LINGO2: variants seen among roughly 807,000 people sequenced by gnomAD.
LINGO2 encodes the protein leucine-rich repeat and immunoglobulin-like domain-containing nogo receptor-interacting protein 2.
A neutral mutation model predicts 30.6 loss-of-function variants in LINGO2; 14 were observed. The observed-to-expected ratio is 0.46, with a 90% confidence interval of 0.30 to 0.72. LINGO2 has a LOEUF of 0.72. Ranked by LOEUF, LINGO2 falls within the 30% of genes least tolerant of loss-of-function variation. LINGO2 has a pLI of 0.07. For synonymous variants in LINGO2, 317 were observed against 288.5 expected (o/e 1.10, Z -1.00); for missense variants, 729 against 751.7 (o/e 0.97, Z 0.35).
the LINGO2 span, among the ~76,000 whole-genome samples, chr9:29,006,478 T>C: frequency 6.6e-6 from 1 of 152,052 alleles, no homozygotes; most frequent in Admixed American, 6.6e-5. Context: ...TTAAGAACTT[T>C]GAGAACTGAT....
intron 4 of LINGO2, among the ~76,000 whole-genome samples, chr9:28,015,778 T>TC (rs59446611): frequency 0.14 from 21,864 of 152,012 alleles, 1,721 homozygotes; most frequent in South Asian, 0.22. Context: ...CAGGTGATAA[T>TC]CCCAGTTTAC....
chr9:29,106,120 A>G, the LINGO2 span, among the ~76,000 whole-genome samples: 78 of 152,276 alleles, frequency 5.1e-4, no homozygotes, highest in African/African-American at 1.8e-3. Flanking sequence ...ATAGAAAACT[A>G]ATACAGGAAG....
At chr9:27,949,108 T>A (rs1389102716) in exon 6 of LINGO2, 4 of 1,614,050 alleles carry the variant, frequency 2.5e-6, no homozygotes, top group Non-Finnish European at 3.4e-6. Context: ...ATGGTGTCAT[T>A]GGAGTCGGTC....
the LINGO2 span, among the ~76,000 whole-genome samples, chr9:28,990,543 G>C: frequency 6.6e-6 from 1 of 152,202 alleles, no homozygotes; most frequent in Admixed American, 6.5e-5. Flanking sequence ...AGAACAGGCA[G>C]ACTGCCTTTT....
intron 4 of LINGO2, among the ~76,000 whole-genome samples, chr9:28,128,895 A>T (rs1270748107): frequency 6.6e-6 from 1 of 152,200 alleles, no homozygotes. Context: ...TGGGAAAGGC[A>T]GACCCACCCT....
At chr9:28,551,729 G>A (rs112672730) in intron 1 of LINGO2, among the ~76,000 whole-genome samples, 58 of 152,076 alleles carry the variant, frequency 3.8e-4, no homozygotes, top group African/African-American at 1.3e-3. Context: ...ATTTGGATGG[G>A]GAAGGGATGA....
At chr9:29,014,952 C>A in the LINGO2 span, among the ~76,000 whole-genome samples, 2 of 152,162 alleles carry the variant, frequency 1.3e-5, no homozygotes, top group African/African-American at 4.8e-5. Flanking sequence ...CTAAGAATAT[C>A]TTCCATTGGC....
chr9:28,286,185 G>A (rs1192422028), intron 4 of LINGO2, among the ~76,000 whole-genome samples: 1 of 152,158 alleles, frequency 6.6e-6, no homozygotes, highest in Admixed American at 6.5e-5. Flanking sequence ...AGCATTATCT[G>A]ACAATGGACA....
At chr9:28,087,681 C>T (rs1339325701) in intron 4 of LINGO2, among the ~76,000 whole-genome samples, 1 of 151,960 alleles carries the variant, frequency 6.6e-6, no homozygotes, top group African/African-American at 2.4e-5. Flanking sequence ...CATTTTCATG[C>T]CCCCTCTCAC....
chr9:28,494,986 T>C (rs1027752485), intron 1 of LINGO2, among the ~76,000 whole-genome samples: 42 of 152,350 alleles, frequency 2.8e-4, no homozygotes, highest in Non-Finnish European at 5.9e-4. Flanking sequence ...GAGCATTTTT[T>C]CATGTGTCTG....
the LINGO2 span, among the ~76,000 whole-genome samples, chr9:28,883,355 T>C: frequency 1.3e-5 from 2 of 151,580 alleles, no homozygotes; most frequent in African/African-American, 4.8e-5. Context: ...TTTAAATTGC[T>C]GTACGTGTTG....
At chr9:28,947,627 G>A in the LINGO2 span, among the ~76,000 whole-genome samples, 1 of 151,210 alleles carries the variant, frequency 6.6e-6, no homozygotes, top group Non-Finnish European at 1.5e-5. Flanking sequence ...TTGTAGACTG[G>A]GTTACAAAAT....
chr9:28,511,642 T>C (rs1308339505), intron 1 of LINGO2, among the ~76,000 whole-genome samples: 3 of 152,158 alleles, frequency 2.0e-5, no homozygotes, highest in African/African-American at 7.2e-5. Context: ...CTTCACAGTT[T>C]TTGGCCACTC....
chr9:28,246,697 AG>A (rs1248828126), intron 4 of LINGO2, among the ~76,000 whole-genome samples: 1 of 152,108 alleles, frequency 6.6e-6, no homozygotes, highest in Non-Finnish European at 1.5e-5. Flanking sequence ...GCATGGGAAA[AG>A]CTTGTATGAT....
intron 4 of LINGO2, among the ~76,000 whole-genome samples, chr9:28,173,006 G>A (rs1828645955): frequency 6.6e-6 from 1 of 152,082 alleles, no homozygotes; most frequent in African/African-American, 2.4e-5. Flanking sequence ...TGCCTATTAG[G>A]TTCAGCTCCT....
chr9:28,545,731 A>C (rs533773046), intron 1 of LINGO2, among the ~76,000 whole-genome samples: 21 of 152,174 alleles, frequency 1.4e-4, no homozygotes, highest in Non-Finnish European at 2.8e-4. Flanking sequence ...GAAAGGACCC[A>C]CTTAGAAATA....
intron 3 of LINGO2, among the ~76,000 whole-genome samples, chr9:28,368,176 T>A (rs1209319645): frequency 2.0e-5 from 3 of 152,026 alleles, no homozygotes; most frequent in Non-Finnish European, 4.4e-5. Flanking sequence ...CATTGTCTTA[T>A]TTTTTTTCTG....
intron 4 of LINGO2, among the ~76,000 whole-genome samples, chr9:28,057,281 T>C (rs573098894): frequency 4.7e-4 from 55 of 117,996 alleles, no homozygotes; most frequent in African/African-American, 1.5e-3. Context: ...AAAAGTAAAG[T>C]TTTTTTTTTT....
At chr9:27,946,008 C>T (rs1465510574), downstream of LINGO2, among the ~76,000 whole-genome samples, 1 of 152,052 alleles carries the variant, frequency 6.6e-6, no homozygotes, top group Non-Finnish European at 1.5e-5. Flanking sequence ...AGTAATTTTA[C>T]TCTTATTGGA....
Sources: gnomAD v4.1 joint callset for allele counts (sites outside exome capture counted in the v4.1 genomes callset) on GRCh38, gnomAD v4.1.1 for gene constraint, MANE v1.5 for transcripts, NCBI Gene and HGNC (gene_info 2026-07-23, HGNC 2026-07-21) for gene names.